The following TBX20 variants were observed in gnomAD, a reference collection of about 807,000 sequenced individuals.
TBX20 encodes T-box transcription factor TBX20.
Under a neutral mutation model 42.9 loss-of-function variants are expected in TBX20, and 8 were observed. The observed-to-expected ratio is 0.19, with a 90% confidence interval of 0.11 to 0.34. TBX20 has a LOEUF of 0.34. Ranked by LOEUF, TBX20 falls within the 10% of genes least tolerant of loss-of-function variation. The pLI is 1.00. For synonymous variants in TBX20, 198 were observed against 222.8 expected, an observed-to-expected ratio of 0.89 and a Z score of 0.99; for missense variants, 411 against 566.0, an observed-to-expected ratio of 0.73 and a Z score of 2.78.
chr7:35,237,025 TG>T (rs1789979292), intron 5 of TBX20, among the ~76,000 whole-genome samples: 2 of 132,418 alleles, frequency 1.5e-5, no homozygotes, highest in East Asian at 4.1e-4. Context: ...CAGTTTTTGA[TG>T]ACACTGTCAG....
intron 7 of TBX20, 104 bp from the exon 8 acceptor site, chr7:35,202,874 G>C: frequency 6.5e-7 from 1 of 1,537,550 alleles, no homozygotes; most frequent in South Asian, 1.2e-5. Flanking sequence ...TATTTAATAC[G>C]TCTGTAATTT....
intron 6 of TBX20, among the ~76,000 whole-genome samples, chr7:35,213,555 C>T (rs1258705570): frequency 4.6e-5 from 7 of 152,020 alleles, no homozygotes; most frequent in Non-Finnish European, 8.8e-5. Context: ...AAAAGAACTG[C>T]TGGTCTAACA....
chr7:35,234,337 C>G (rs1789921730), intron 5 of TBX20, among the ~76,000 whole-genome samples: 1 of 152,110 alleles, frequency 6.6e-6, no homozygotes, highest in South Asian at 2.1e-4. Context: ...ACTATTGGCT[C>G]ATAATATGAT....
chr7:35,245,932 A>G (rs374527847), intron 3 of TBX20, among the ~76,000 whole-genome samples: 4 of 152,196 alleles, frequency 2.6e-5, no homozygotes, highest in African/African-American at 9.6e-5. Context: ...AATGAAGGGG[A>G]AGCAAAATCC....
intron 3 of TBX20, among the ~76,000 whole-genome samples, chr7:35,247,556 C>T (rs1790217836): frequency 6.6e-6 from 1 of 152,082 alleles, no homozygotes. Flanking sequence ...TAATAAACTA[C>T]TAATTAAGCT....
At chr7:35,216,338 T>C (rs1789589408) in intron 6 of TBX20, among the ~76,000 whole-genome samples, 1 of 152,186 alleles carries the variant, frequency 6.6e-6, no homozygotes, top group South Asian at 2.1e-4. Flanking sequence ...GTTAGGGGCA[T>C]GTTTGCTGGA....
In TBX20 at chr7:35,249,184, G is replaced by A. The variant is rs1790256510; in HGVS notation, c.381-343C>T. Among the ~76,000 whole-genome samples the A allele has an allele frequency of 6.6e-6, 1 of 152,194 alleles. No homozygotes were observed. The highest frequency in any genetic ancestry group is 1.5e-5 in the Non-Finnish European group (1 of 68,034). ...ACGATCAAGCACATTAAGTGTCCCA[G>A]GACCCGAAGTCCCTGGAGCTGACCC... On this transcript the variant is annotated intron_variant, in intron 2 of 7. Transcript: ENST00000408931. The surrounding 1 kb of genome is among the most constrained non-coding windows in gnomAD (Gnocchi z 4.3).
intron 7 of TBX20, among the ~76,000 whole-genome samples, chr7:35,203,974 T>C (rs1259060864): frequency 6.6e-6 from 1 of 152,258 alleles, no homozygotes; most frequent in Admixed American, 6.5e-5. Context: ...CAGTTCCTGC[T>C]GTCAACACTG....
chr7:35,233,159 T>C (rs190432070), intron 5 of TBX20, among the ~76,000 whole-genome samples: 295 of 152,326 alleles, frequency 1.9e-3, no homozygotes, highest in African/African-American at 6.6e-3. Context: ...TTTTTTCTTT[T>C]TCATGGTTTC....
At chr7:35,229,996 T>C (rs1451373538) in intron 6 of TBX20, among the ~76,000 whole-genome samples, 2 of 151,932 alleles carry the variant, frequency 1.3e-5, no homozygotes, top group African/African-American at 2.4e-5. Flanking sequence ...ACTTTTTTTT[T>C]CTCCCAATAT....
Position 35,252,370 on chromosome 7 carries a change from T to TA in TBX20, c.127+1123dup, listed in dbSNP as rs1016755843. Among the ~76,000 whole-genome samples the TA allele has an allele frequency of 6.2e-5, 9 of 145,736 alleles. No individual in the cohort carries two copies. In the East Asian group the frequency reaches 1.4e-3, roughly 22 times the overall value. On this transcript the variant is annotated intron_variant, in intron 1 of 7. Coordinates refer to ENST00000408931, the MANE Select transcript of TBX20 (RefSeq NM_001077653.2). Reference sequence around the variant, plus strand: ...GAACCAGGGGAAGGGGGTGAAAACTTAGAGGACAGATTTTTTTTTTTTTTT... The same window carrying TA: ...GAACCAGGGGAAGGGGGTGAAAACTTAAGAGGACAGATTTTTTTTTTTTTTT...
In TBX20 at chr7:35,202,685, C is replaced by T. The variant is rs1789324914; in HGVS notation, c.1089G>A (p.Gln363=). 1 of 1,610,432 alleles carries T rather than the reference C, an allele frequency of 6.2e-7. No individual in the cohort carries two copies. The highest frequency in any genetic ancestry group is 2.2e-5 in the East Asian group (1 of 44,732). The change falls in exon 8 of 8, where the codon CAG becomes CAA. Residue 363 remains glutamine, a synonymous_variant. Coordinates refer to ENST00000408931, the MANE Select transcript of TBX20 (RefSeq NM_001077653.2). ...TGCTGGTGCCAAGAGCAGTCAGGGA[C>T]TGTGGGTGCTGAAACCCAGGAAAAC... The part of the protein sequence containing the change: ...SSSFPGFQHP[Q]SLTALGTSTA...
At chr7:35,245,378 G>A (rs1226708122) in intron 3 of TBX20, among the ~76,000 whole-genome samples, 3 of 148,614 alleles carry the variant, frequency 2.0e-5, no homozygotes, top group Non-Finnish European at 4.4e-5. Flanking sequence ...CTACTGGTCT[G>A]CTTCGATCAA....
chr7:35,251,313 C>G (rs541645165), intron 1 of TBX20, among the ~76,000 whole-genome samples: 1 of 152,062 alleles, frequency 6.6e-6, no homozygotes, highest in Admixed American at 6.5e-5. Flanking sequence ...ATATGGGACA[C>G]GCACAGATCA....
At position 35,249,412 on chromosome 7, in the gene TBX20, C is replaced by T. The variant is rs1427581854; in HGVS notation, c.380+539G>A. 1.1e-4 allele frequency among the ~76,000 whole-genome samples: 17 copies of T among 152,370 alleles called. No individual in the cohort carries two copies. Among genetic ancestry groups the T allele is most frequent in the African/African-American group, 3.4e-4 (14 of 41,600 alleles). On this transcript the variant is annotated intron_variant, in intron 2 of 7. Coordinates refer to ENST00000408931, the MANE Select transcript of TBX20 (RefSeq NM_001077653.2). The surrounding 1 kb of genome is among the most constrained non-coding windows in gnomAD (Gnocchi z 4.3). ...TGCAGCTTCCTGCCTGGCCAAAGCC[C>T]GCCCGGCTCTGGCGCCAAGAGGCCC...
intron 6 of TBX20, among the ~76,000 whole-genome samples, chr7:35,221,700 C>T (rs1213735705): frequency 2.6e-5 from 4 of 152,202 alleles, no homozygotes; most frequent in Non-Finnish European, 4.4e-5. Flanking sequence ...CCACTTATAT[C>T]CTTCCTCAAC....
intron 4 of TBX20, among the ~76,000 whole-genome samples, chr7:35,243,792 T>C (rs1379897024): frequency 6.6e-6 from 1 of 152,194 alleles, no homozygotes; most frequent in Admixed American, 6.5e-5. Flanking sequence ...CATATTAAGT[T>C]ACTTCCAATA....
intron 3 of TBX20, among the ~76,000 whole-genome samples, chr7:35,246,488 T>G (rs1790188759): frequency 6.6e-6 from 1 of 152,190 alleles, no homozygotes; most frequent in Non-Finnish European, 1.5e-5. Context: ...AGGATCACAT[T>G]CACCACATGT....
rs538257835 is a variant in TBX20 at position 35,252,848 on chromosome 7, G to GT, written c.127+645dup. Among the ~76,000 whole-genome samples the GT allele has an allele frequency of 3.5e-3, 533 of 152,266 alleles. 3 individuals are homozygous for GT. Among genetic ancestry groups the GT allele is most frequent in the Middle Eastern group, 0.014 (4 of 294 alleles). ...CCTAGCCTAGTGTCTTCTATAAATGGTAAAGGTTGTTAAACAAACAACATA... is the reference window on the plus strand; with the variant it reads ...CCTAGCCTAGTGTCTTCTATAAATGGTTAAAGGTTGTTAAACAAACAACATA... On this transcript the variant is annotated intron_variant, in intron 1 of 7. Transcript: ENST00000408931.
Sources: allele counts gnomAD v4.1 joint callset (sites outside exome capture counted in the v4.1 genomes callset), GRCh38; gene constraint gnomAD v4.1.1; non-coding constraint Gnocchi (gnomAD v3.1); transcripts MANE v1.5; gene names NCBI Gene and HGNC (gene_info 2026-07-23, HGNC 2026-07-21).